The following MPHOSPH6 variants were observed in gnomAD, a reference collection of about 807,000 sequenced individuals.
MPHOSPH6 encodes the protein M-phase phosphoprotein 6.
MPHOSPH6 carries 25 observed loss-of-function variants against 21.8 expected under a neutral mutation model. The observed-to-expected ratio is 1.15, with a 90% CI of 0.83 to 1.60. MPHOSPH6 has a LOEUF of 1.60. MPHOSPH6 is among the 40% of genes most tolerant of loss of function. MPHOSPH6 has a pLI of 0.00. For missense variants in MPHOSPH6, 269 were observed against 181.8 expected (o/e 1.48, Z -2.76); for synonymous variants, 84 against 56.5 (o/e 1.49, Z -2.18).
intron 2 of MPHOSPH6, 194 bp downstream of exon 2, chr16:82,163,888 G>A (rs960713443): frequency 2.0e-6 from 1 of 497,964 alleles, no homozygotes; most frequent in Non-Finnish European, 3.5e-6. Context: ...GTGGCTGGGA[G>A]GGGGAGTAGT....
chr16:82,157,962 G>A (rs772784009), intron 2 of MPHOSPH6, among the ~76,000 whole-genome samples: 1 of 152,194 alleles, frequency 6.6e-6, no homozygotes, highest in Non-Finnish European at 1.5e-5. Context: ...GACATTTGCA[G>A]ACTGTGCAAA....
At chr16:82,166,514 C>T (rs12597171) in intron 1 of MPHOSPH6, among the ~76,000 whole-genome samples, 99,150 of 152,144 alleles carry the variant, frequency 0.65, 34,430 homozygotes, top group East Asian at 0.78. Context: ...AAGACAGCCT[C>T]ATCAACACTG....
intron 1 of MPHOSPH6, among the ~76,000 whole-genome samples, chr16:82,169,139 T>C (rs1231993222): frequency 1.3e-5 from 2 of 152,230 alleles, no homozygotes; most frequent in African/African-American, 4.8e-5. Flanking sequence ...TTCTTGATAC[T>C]GTTCCCCGTT....
rs146202978 is a variant in MPHOSPH6 at position 82,149,923 on chromosome 16, G to A, written c.256-520C>T. ...GCCTTACCCTCCTAAACTTTAGAGT[G>A]GATAATGCATCCCATGTAACATCCA... On this transcript the variant is annotated intron_variant, in intron 3 of 4. Coordinates refer to ENST00000258169, the MANE Select transcript of MPHOSPH6 (RefSeq NM_005792.2). Among the ~76,000 whole-genome samples the A allele has an allele frequency of 1.6e-3, 245 of 151,782 alleles. 1 individual carries two copies. The highest frequency in any genetic ancestry group is 5.6e-3 in the African/African-American group (231 of 41,412).
At chr16:82,157,493 C>G (rs1388511482) in intron 2 of MPHOSPH6, among the ~76,000 whole-genome samples, 1 of 152,150 alleles carries the variant, frequency 6.6e-6, no homozygotes, top group Non-Finnish European at 1.5e-5. Flanking sequence ...GTGAGACTGA[C>G]TAGAAAGAGG....
At position 82,148,763 on chromosome 16, in the gene MPHOSPH6, C is replaced by T. The variant is rs190760557; in HGVS notation, c.451G>A (p.Ala151Thr). 128 of 1,614,146 alleles carry T rather than the reference C, an allele frequency of 7.9e-5. No individual in the cohort carries two copies. Among genetic ancestry groups the T allele is most frequent in the Non-Finnish European group, 7.1e-5 (84 of 1,180,006 alleles). Residue 151 changes from alanine (A) to threonine (T), a missense_variant, in exon 5 of 5, where the codon GCA (alanine) becomes ACA (threonine). Coordinates refer to ENST00000258169, the MANE Select transcript of MPHOSPH6 (RefSeq NM_005792.2). ...TGGGGCTTTAAGAACATCTTCTTTGCTTTAATTGGTGTTATGTCTCCATTT... is the reference window on the plus strand; with the variant it reads ...TGGGGCTTTAAGAACATCTTCTTTGTTTTAATTGGTGTTATGTCTCCATTT... ...DENGDITPIK[A>T]KKMFLKPQD
chr16:82,148,437 G>A lies in MPHOSPH6; in HGVS notation c.*294C>T, dbSNP rs1265670464. The A allele has an allele frequency of 4.0e-6, 1 of 252,448 alleles. No individual in the cohort carries two copies. Among genetic ancestry groups the A allele is most frequent in the African/African-American group, 2.2e-5 (1 of 45,264 alleles). 15.6% of individuals were successfully genotyped at this position (252,448 alleles called of 1,614,324 possible). ...GTAAGTCAATTCAAGGTCAGTGACT[G>A]GAGAACTATATTAAGAGAAACCTGA... On this transcript the variant is annotated 3_prime_UTR_variant, in exon 5 of 5. Transcript: ENST00000258169.
intron 1 of MPHOSPH6, among the ~76,000 whole-genome samples, chr16:82,165,147 A>C (rs1457237180): frequency 1.7e-5 from 1 of 58,966 alleles, no homozygotes; most frequent in Non-Finnish European, 2.6e-5. Context: ...TTTTTTTTTG[A>C]GACAGAGTCT....
intron 2 of MPHOSPH6, chr16:82,162,321 G>C (rs1237477241): frequency 1.3e-5 from 2 of 152,170 alleles, no homozygotes; most frequent in Non-Finnish European, 2.9e-5. Flanking sequence ...TCCCTATTTA[G>C]AGTGTTAAAA....
chr16:82,170,186 G>C lies in MPHOSPH6; in HGVS notation c.-11C>G. On this transcript the variant is annotated 5_prime_UTR_variant, in exon 1 of 5. Transcript: ENST00000258169. Reference sequence around the variant, plus strand: ...TCGCTCGGCCGCCATGGTAGCTTCCGCCCAGCGCCGCACTCCGGCCGCGAG... The same window carrying C: ...TCGCTCGGCCGCCATGGTAGCTTCCCCCCAGCGCCGCACTCCGGCCGCGAG... 1 of 1,576,600 alleles carries C rather than the reference G, an allele frequency of 6.3e-7. No homozygotes were observed. Among genetic ancestry groups the C allele is most frequent in the South Asian group, 1.1e-5 (1 of 87,312 alleles).
intron 3 of MPHOSPH6, 57 bp downstream of exon 3, chr16:82,151,367 T>C (rs1906258564): frequency 6.3e-7 from 1 of 1,594,428 alleles, no homozygotes; most frequent in Non-Finnish European, 8.5e-7. Context: ...GCCCAATTAT[T>C]AGCAGAAAAA....
Position 82,162,846 on chromosome 16 carries a change from A to G in MPHOSPH6, c.164+1236T>C, listed in dbSNP as rs546472817. Among the ~76,000 whole-genome samples, 6 of 152,372 alleles carry G rather than the reference A, an allele frequency of 3.9e-5. No individual in the cohort carries two copies. The South Asian group carries it at 1.2e-3, about 32-fold the overall frequency. On this transcript the variant is annotated intron_variant, in intron 2 of 4. Transcript: ENST00000258169. ...ATGTAAAGGTCATTTTCTGGGAATA[A>G]TATGCTGTATTAGGGGAAAAATACT...
intron 2 of MPHOSPH6, among the ~76,000 whole-genome samples, chr16:82,163,277 T>C (rs896747149): frequency 9.2e-5 from 14 of 152,208 alleles, no homozygotes; most frequent in African/African-American, 3.1e-4. Context: ...TAAGTAAAAC[T>C]ACCATACAAC....
chr16:82,166,050 C>A (rs546932514), intron 1 of MPHOSPH6, among the ~76,000 whole-genome samples: 2 of 152,328 alleles, frequency 1.3e-5, no homozygotes, highest in South Asian at 2.1e-4. Context: ...CAACCGTCCA[C>A]GCAAAATGAG....
At chr16:82,161,258 A>C (rs772037283) in intron 2 of MPHOSPH6, among the ~76,000 whole-genome samples, 9 of 152,196 alleles carry the variant, frequency 5.9e-5, no homozygotes, top group Non-Finnish European at 1.3e-4. Flanking sequence ...AATGGGTGGA[A>C]GGAAAGGCTA....
intron 1 of MPHOSPH6, among the ~76,000 whole-genome samples, chr16:82,167,884 C>T (rs182870328): frequency 2.5e-3 from 386 of 152,258 alleles, no homozygotes; most frequent in Non-Finnish European, 3.4e-3. Context: ...CATGGCCTGG[C>T]GGTTGGGGAC....
At chr16:82,156,474 G>A (rs77868129) in intron 2 of MPHOSPH6, among the ~76,000 whole-genome samples, 1,781 of 152,108 alleles carry the variant, frequency 0.012, 38 homozygotes, top group African/African-American at 0.041. Flanking sequence ...CAAAATATTT[G>A]AAAAGGCACT....
At chr16:82,155,585 C>T (rs1401751523) in intron 2 of MPHOSPH6, among the ~76,000 whole-genome samples, 4 of 152,096 alleles carry the variant, frequency 2.6e-5, no homozygotes, top group Non-Finnish European at 5.9e-5. Context: ...TAGAGATAAA[C>T]AATGCAATAA....
chr16:82,154,610 G>T (rs775647128), intron 2 of MPHOSPH6, among the ~76,000 whole-genome samples: 1 of 150,278 alleles, frequency 6.7e-6, no homozygotes, highest in African/African-American at 2.5e-5. Context: ...TTAAGAAATA[G>T]AGACTGCAAA....
Sources: allele counts gnomAD v4.1 joint callset (sites outside exome capture counted in the v4.1 genomes callset), GRCh38; gene constraint gnomAD v4.1.1; transcripts MANE v1.5; gene names NCBI Gene and HGNC (gene_info 2026-07-23, HGNC 2026-07-21).